Variants in CATSPERE observed in about 807,000 individuals in gnomAD.
CATSPERE encodes cation channel sperm-associated auxiliary subunit epsilon.
In CATSPERE, 93 loss-of-function variants were observed where a neutral mutation model predicts 114.1. That is an observed-to-expected ratio of 0.81 (90% CI 0.69 to 0.97). The LOEUF (loss-of-function observed/expected upper bound fraction) is 0.97, where lower values mean the gene tolerates loss of function less well. Ranked by LOEUF, CATSPERE falls within the 50% of genes least tolerant of loss-of-function variation. The pLI, the probability that CATSPERE is intolerant of heterozygous loss-of-function variation, is 0.00. For synonymous variants in CATSPERE, 341 were observed against 384.1 expected (o/e 0.89, Z 1.31); for missense variants, 1,058 against 1,131.6 (o/e 0.93, Z 0.93).
intron 6 of CATSPERE, among the ~76,000 whole-genome samples, chr1:244,494,101 G>A (rs1672686895): frequency 2.0e-5 from 3 of 151,866 alleles, no homozygotes; most frequent in South Asian, 4.2e-4. Flanking sequence ...CCCATTACTG[G>A]GTATATACCC....
intron 20 of CATSPERE, among the ~76,000 whole-genome samples, chr1:244,624,128 A>ATTTTTT (rs58744339): frequency 0.38 from 47,856 of 125,496 alleles, 9,857 homozygotes; most frequent in South Asian, 0.55. Context: ...TGCCCAGCTA[A>ATTTTTT]TTTTTTTTTT....
At chr1:244,460,685 G>T (rs1294038771), upstream of CATSPERE, among the ~76,000 whole-genome samples, 3 of 152,160 alleles carry the variant, frequency 2.0e-5, no homozygotes, top group East Asian at 5.8e-4. Context: ...AGGCTGAGGC[G>T]GGTGGATCAC....
intron 5 of CATSPERE, among the ~76,000 whole-genome samples, chr1:244,483,559 C>T (rs1226716629): frequency 1.4e-4 from 22 of 152,130 alleles, no homozygotes; most frequent in Admixed American, 1.4e-3. Context: ...TTTTTCTTTA[C>T]ATTTTACTGA....
intron 20 of CATSPERE, among the ~76,000 whole-genome samples, chr1:244,619,416 A>G (rs547283977): frequency 2.0e-5 from 3 of 152,352 alleles, no homozygotes; most frequent in African/African-American, 4.8e-5. Flanking sequence ...TCACTAACAG[A>G]GAGGTCCTAA....
chr1:244,507,156 A>G (rs1674950785), intron 7 of CATSPERE, among the ~76,000 whole-genome samples: 1 of 151,958 alleles, frequency 6.6e-6, no homozygotes, highest in African/African-American at 2.4e-5. Flanking sequence ...CCATTCTTCC[A>G]TTGCTGAATA....
chr1:244,565,658 T>A (rs1572781271), intron 10 of CATSPERE, among the ~76,000 whole-genome samples: 1 of 152,208 alleles, frequency 6.6e-6, no homozygotes, highest in East Asian at 1.9e-4. Flanking sequence ...GGCTGACTAG[T>A]GGTCTATTTT....
At chr1:244,553,627 A>ACACACACT (rs1661102659) in intron 9 of CATSPERE, among the ~76,000 whole-genome samples, 1 of 148,464 alleles carries the variant, frequency 6.7e-6, no homozygotes, top group South Asian at 2.1e-4. Flanking sequence ...ACACACACAC[A>ACACACACT]CACACACACA....
chr1:244,491,188 C>G (rs951672495), intron 6 of CATSPERE, among the ~76,000 whole-genome samples: 3 of 151,856 alleles, frequency 2.0e-5, no homozygotes, highest in Non-Finnish European at 4.4e-5. Context: ...TGACCACATA[C>G]TTGGAAGTAA....
chr1:244,585,352 T>C (rs924089802), intron 13 of CATSPERE, among the ~76,000 whole-genome samples: 1 of 152,174 alleles, frequency 6.6e-6, no homozygotes, highest in African/African-American at 2.4e-5. Flanking sequence ...TCCTCTTTGG[T>C]ACCCTGCAGA....
At chr1:244,612,816 C>T (rs1034757855) in intron 19 of CATSPERE, among the ~76,000 whole-genome samples, 8 of 152,162 alleles carry the variant, frequency 5.3e-5, no homozygotes, top group Non-Finnish European at 8.8e-5. Flanking sequence ...CGCGGCACCA[C>T]GCCCGGCCAG....
At chr1:244,493,576 C>T (rs935582618) in intron 6 of CATSPERE, among the ~76,000 whole-genome samples, 33 of 152,276 alleles carry the variant, frequency 2.2e-4, no homozygotes, top group Admixed American at 1.0e-3. Context: ...AAAGCCACAG[C>T]AACAAAAGCC....
rs920573970 is a variant in CATSPERE at position 244,514,083 on chromosome 1, G to A, written c.430-4509G>A. On this transcript the variant is annotated intron_variant, in intron 7 of 21. Coordinates refer to ENST00000366534, the MANE Select transcript of CATSPERE (RefSeq NM_001130957.2). Reference sequence around the variant, plus strand: ...TGTTCATAGGGACTTTTGAGGCACAGAAGTTTTTAATTTTAATGAAAGCTA... The same window carrying A: ...TGTTCATAGGGACTTTTGAGGCACAAAAGTTTTTAATTTTAATGAAAGCTA... Among the ~76,000 whole-genome samples, 6 of 152,198 alleles carry A rather than the reference G, an allele frequency of 3.9e-5. No individual in the cohort carries two copies. The South Asian group carries it at 8.3e-4, about 21-fold the overall frequency.
intron 2 of CATSPERE, among the ~76,000 whole-genome samples, chr1:244,476,859 C>T (rs541989388): frequency 2.0e-5 from 3 of 152,132 alleles, no homozygotes; most frequent in Non-Finnish European, 2.9e-5. Context: ...TAGTCAGTAA[C>T]GTGTAAATAA....
At chr1:244,467,717 A>G (rs565926369) in intron 2 of CATSPERE, among the ~76,000 whole-genome samples, 3 of 152,348 alleles carry the variant, frequency 2.0e-5, no homozygotes, top group African/African-American at 7.2e-5. Flanking sequence ...TCAGTAGTAT[A>G]GAGGGATAAA....
At chr1:244,561,344 T>G (rs1345072703) in intron 10 of CATSPERE, among the ~76,000 whole-genome samples, 199 bp downstream of exon 10, 1 of 152,190 alleles carries the variant, frequency 6.6e-6, no homozygotes, top group Admixed American at 6.5e-5. Context: ...GCAAACTCAA[T>G]TTCTTTTTGC....
chr1:244,591,728 A>T lies in CATSPERE; in HGVS notation c.2186A>T (p.Glu729Val). Reference sequence around the variant, plus strand: ...CACCATGATTTTTCATACGTGATTGAAAAGTAAGAAATTTTTTAACATAAG... The same window carrying T: ...CACCATGATTTTTCATACGTGATTGTAAAGTAAGAAATTTTTTAACATAAG... ...CHHHDFSYVI[E>V]KSYLRHQPSK... is the part of the protein sequence containing the mutation. The change falls in exon 15 of 22, where the codon GAA (glutamate) becomes GTA (valine). Residue 729 changes from glutamate (E) to valine (V), a missense_variant. Glu to Val is a moderately radical substitution (Grantham distance 121). Transcript: ENST00000366534. 6.6e-7 allele frequency: 1 copy of T among 1,506,880 alleles called. No homozygotes were observed. The highest frequency in any genetic ancestry group is 9.2e-7 in the Non-Finnish European group (1 of 1,089,756). The allele number at this position is 1,506,880 out of a possible 1,614,324, so 93.3% of individuals were successfully genotyped here.
intron 11 of CATSPERE, among the ~76,000 whole-genome samples, chr1:244,579,638 G>C (rs1665872036): frequency 6.6e-6 from 1 of 152,122 alleles, no homozygotes; most frequent in Non-Finnish European, 1.5e-5. Context: ...TTGCAACTCA[G>C]ACCTTCAAAC....
intron 5 of CATSPERE, among the ~76,000 whole-genome samples, chr1:244,488,397 C>G (rs3003302): frequency 0.24 from 36,614 of 152,034 alleles, 5,126 homozygotes; most frequent in East Asian, 0.43. Context: ...GGCTTTCTGT[C>G]ATCTGTCCTT....
intron 2 of CATSPERE, among the ~76,000 whole-genome samples, chr1:244,474,608 A>C (rs1042374909): frequency 6.6e-6 from 1 of 151,830 alleles, no homozygotes; most frequent in Non-Finnish European, 1.5e-5. Context: ...CTCTGTTCCA[A>C]ACATTTTGGT....
Sources: allele counts gnomAD v4.1 joint callset (sites outside exome capture counted in the v4.1 genomes callset), GRCh38; gene constraint gnomAD v4.1.1; transcripts MANE v1.5; gene names NCBI Gene and HGNC (gene_info 2026-07-23, HGNC 2026-07-21).